The following CNKSR3 variants were observed in gnomAD, a reference collection of about 807,000 sequenced individuals.
CNKSR3 encodes CNKSR family member 3, also known as connector enhancer of kinase suppressor of ras 3.
CNKSR3 carries 36 observed loss-of-function variants against 67.7 expected under a neutral mutation model. That is an observed-to-expected ratio of 0.53 (90% CI 0.41 to 0.70). The LOEUF (loss-of-function observed/expected upper bound fraction) is 0.70. CNKSR3 is among the 30% of genes least tolerant of loss of function. CNKSR3 has a pLI of 0.00. For missense variants in CNKSR3, 630 were observed against 695.2 expected, an observed-to-expected ratio of 0.91 and a Z score of 1.05; for synonymous variants, 281 against 271.4, an observed-to-expected ratio of 1.04 and a Z score of -0.35.
chr6:154,430,684 T>A lies in CNKSR3; in HGVS notation c.550-93A>T, dbSNP rs1170916289. 4 of 1,232,446 alleles carry A rather than the reference T, an allele frequency of 3.2e-6. No individual in the cohort carries two copies. The African/African-American group carries it at 6.0e-5, about 19-fold the overall frequency. 76.3% of individuals were successfully genotyped at this position (1,232,446 alleles called of 1,614,324 possible). On this transcript the variant is annotated intron_variant, in intron 5 of 12. Coordinates refer to ENST00000607772, the MANE Select transcript of CNKSR3 (RefSeq NM_173515.4). ...TAGAGAAATGCATTTCACCTATAAT[T>A]GTTAGTTCTGGTTGGCAATCATTTT... is the stretch of plus-strand genomic sequence containing the variant.
At position 154,510,210 on chromosome 6, in the gene CNKSR3, C is replaced by T; in HGVS notation, c.-96G>A. On this transcript the variant is annotated 5_prime_UTR_variant, in exon 1 of 13. Transcript: ENST00000607772. ...CCTTCCCGGGAGGGCGCGCCCGCGG[C>T]TGCTCCCCTGCGCCCGAGCGACTCC... 1 of 1,417,336 alleles carries T rather than the reference C, an allele frequency of 7.1e-7. No homozygotes were observed. The highest frequency in any genetic ancestry group is 9.9e-7 in the Non-Finnish European group (1 of 1,010,744). The allele number at this position is 1,417,336 out of a possible 1,614,324, so 87.8% of individuals were successfully genotyped here. A position where few individuals can be genotyped will look rare whatever the true frequency, so the allele number is the denominator to read the frequency against.
At chr6:154,476,457 CA>C (rs11332561) in intron 1 of CNKSR3, among the ~76,000 whole-genome samples, 57,188 of 110,750 alleles carry the variant, frequency 0.52, 12,902 homozygotes, top group African/African-American at 0.67. Flanking sequence ...AACTATGTCT[CA>C]AAAAAAAAAA....
rs1784827353 is a variant in CNKSR3 at position 154,407,804 on chromosome 6, T to G, written c.1370-1152A>C. Reference sequence around the variant, plus strand: ...TTTGAATTTTAGAATTTTCTAAATTTTCTAAATTCTAAGTTTTCTAAATTT... The same window carrying G: ...TTTGAATTTTAGAATTTTCTAAATTGTCTAAATTCTAAGTTTTCTAAATTT... On this transcript the variant is annotated intron_variant, in intron 12 of 12. Transcript: ENST00000607772. Among the ~76,000 whole-genome samples, 8 of 147,424 alleles carry G rather than the reference T, an allele frequency of 5.4e-5. No homozygotes were observed. The South Asian group carries it at 1.7e-3, about 32-fold the overall frequency.
intron 2 of CNKSR3, among the ~76,000 whole-genome samples, chr6:154,449,736 G>A (rs1197958276): frequency 1.3e-5 from 2 of 152,206 alleles, no homozygotes; most frequent in Non-Finnish European, 2.9e-5. Flanking sequence ...TAAAGGACAA[G>A]TTAATAAATA....
intron 1 of CNKSR3, among the ~76,000 whole-genome samples, chr6:154,505,042 G>C (rs773205641): frequency 6.6e-6 from 1 of 151,464 alleles, no homozygotes; most frequent in Non-Finnish European, 1.5e-5. Flanking sequence ...CCAAATGGTA[G>C]ACCTACGGCT....
chr6:154,406,793 C>T, intron 12 of CNKSR3, 141 bp from the exon 13 acceptor site: 2 of 706,744 alleles, frequency 2.8e-6, no homozygotes, highest in Non-Finnish European at 4.7e-6. Context: ...CATGGTGAAA[C>T]CCCGTCTCTA....
chr6:154,495,847 G>A (rs1290217473), intron 1 of CNKSR3, among the ~76,000 whole-genome samples: 1 of 152,002 alleles, frequency 6.6e-6, no homozygotes, highest in Non-Finnish European at 1.5e-5. Flanking sequence ...TGAGGCCTCT[G>A]CTTGAGTTCA....
At chr6:154,425,134 T>C (rs1195855785) in intron 7 of CNKSR3, among the ~76,000 whole-genome samples, 1 of 152,262 alleles carries the variant, frequency 6.6e-6, no homozygotes, top group African/African-American at 2.4e-5. Flanking sequence ...TGTCCCTGTG[T>C]GCCAGATGCT....
chr6:154,420,221 A>C (rs1785110960), intron 9 of CNKSR3, among the ~76,000 whole-genome samples: 1 of 89,664 alleles, frequency 1.1e-5, no homozygotes, highest in Admixed American at 1.1e-4. Flanking sequence ...TTATATGTGG[A>C]ATCTAAAAAA....
intron 12 of CNKSR3, among the ~76,000 whole-genome samples, chr6:154,408,944 T>C (rs1397146379): frequency 1.3e-5 from 2 of 152,138 alleles, no homozygotes; most frequent in African/African-American, 2.4e-5. Flanking sequence ...CATCTCTCCA[T>C]GTATAAAATA....
chr6:154,464,690 T>TG (rs1489117086), intron 1 of CNKSR3, among the ~76,000 whole-genome samples: 2 of 147,908 alleles, frequency 1.4e-5, no homozygotes, highest in African/African-American at 5.0e-5. Context: ...CACTCCAGCC[T>TG]GGCGACAGAG....
chr6:154,507,182 C>T (rs1051183744), intron 1 of CNKSR3, among the ~76,000 whole-genome samples: 3 of 152,314 alleles, frequency 2.0e-5, no homozygotes, highest in Admixed American at 6.5e-5. Context: ...ACTAACATTA[C>T]GGTAAAATTG....
intron 1 of CNKSR3, among the ~76,000 whole-genome samples, chr6:154,468,149 T>G (rs141343983): frequency 0.012 from 1,723 of 147,386 alleles, 37 homozygotes; most frequent in African/African-American, 0.041. Context: ...CGATCTTGGC[T>G]CACTGCAGCC....
chr6:154,473,316 G>A (rs1012963634), intron 1 of CNKSR3, among the ~76,000 whole-genome samples: 5 of 152,184 alleles, frequency 3.3e-5, no homozygotes, highest in Admixed American at 2.0e-4. Context: ...TTTTCTATGC[G>A]TTAGGCATAG....
intron 1 of CNKSR3, among the ~76,000 whole-genome samples, chr6:154,477,959 C>T (rs1403472969): frequency 2.0e-5 from 3 of 152,196 alleles, no homozygotes; most frequent in African/African-American, 4.8e-5. Flanking sequence ...CACAGAAGAA[C>T]GTCCTGCTCT....
intron 1 of CNKSR3, among the ~76,000 whole-genome samples, chr6:154,500,039 A>T (rs140669346): frequency 1.3e-5 from 2 of 152,258 alleles, no homozygotes; most frequent in East Asian, 3.9e-4. Context: ...GGTTAGTTTA[A>T]GACTCCAGTT....
At chr6:154,504,431 A>G (rs1276812023) in intron 1 of CNKSR3, among the ~76,000 whole-genome samples, 1 of 152,236 alleles carries the variant, frequency 6.6e-6, no homozygotes, top group Non-Finnish European at 1.5e-5. Flanking sequence ...AGAGAAAGCA[A>G]TAAAAACAAG....
chr6:154,443,257 C>T (rs1785640645), intron 2 of CNKSR3, among the ~76,000 whole-genome samples: 1 of 152,116 alleles, frequency 6.6e-6, no homozygotes, highest in Non-Finnish European at 1.5e-5. Flanking sequence ...GCAAGGCTTC[C>T]CTGACCACTT....
At position 154,402,338 on chromosome 6, in the gene CNKSR3, C is replaced by T. The variant is rs961893412; in HGVS notation, c.*4016G>A. ...CGCCCAATATTCATATAGATGGGAA[C>T]TCAGTTTACAATAACAAATCTATGA... On this transcript the variant is annotated 3_prime_UTR_variant, in exon 13 of 13. Coordinates refer to ENST00000607772, the MANE Select transcript of CNKSR3 (RefSeq NM_173515.4). 6.6e-6 allele frequency: 1 copy of T among 152,192 alleles called. No individual in the cohort carries two copies. Among genetic ancestry groups the T allele is most frequent in the Admixed American group, 6.5e-5 (1 of 15,280 alleles). 9.4% of individuals were successfully genotyped at this position (152,192 alleles called of 1,614,324 possible).
Sources: gnomAD v4.1 joint callset for allele counts (sites outside exome capture counted in the v4.1 genomes callset) on GRCh38, gnomAD v4.1.1 for gene constraint, MANE v1.5 for transcripts, NCBI Gene and HGNC (gene_info 2026-07-23, HGNC 2026-07-21) for gene names.